EPHA5: variants seen among roughly 807,000 people sequenced by gnomAD.
EPHA5 encodes ephrin type-A receptor 5.
Under a neutral mutation model 105.0 loss-of-function variants are expected in EPHA5, and 60 were observed. The ratio of observed to expected loss-of-function variants is 0.57; its 90% CI spans 0.46 to 0.71. The LOEUF (loss-of-function observed/expected upper bound fraction) is 0.71, where lower values mean the gene tolerates loss of function less well. Ranked by LOEUF, EPHA5 falls within the 30% of genes least tolerant of loss-of-function variation. The pLI is 0.00. For synonymous variants in EPHA5, 513 were observed against 449.1 expected (o/e 1.14, Z -1.80); for missense variants, 1,218 against 1,274.7 (o/e 0.96, Z 0.68).
chr4:65,447,948 A>G (rs144925157), intron 5 of EPHA5, among the ~76,000 whole-genome samples: 2 of 152,304 alleles, frequency 1.3e-5, no homozygotes, highest in Non-Finnish European at 2.9e-5. Context: ...AGAACATAAG[A>G]TTTAAAGACA....
intron 3 of EPHA5, among the ~76,000 whole-genome samples, chr4:65,530,949 GTTGC>G: frequency 6.6e-6 from 1 of 152,240 alleles, no homozygotes; most frequent in East Asian, 1.9e-4. Flanking sequence ...ATAGTCGTAT[GTTGC>G]TTCCAGGAAT....
At chr4:65,524,052 T>A (rs1735010576) in intron 3 of EPHA5, among the ~76,000 whole-genome samples, 1 of 151,806 alleles carries the variant, frequency 6.6e-6, no homozygotes, top group Non-Finnish European at 1.5e-5. Flanking sequence ...TATGTAAAAA[T>A]TTTACTAATG....
At chr4:65,431,602 T>A (rs1724984532) in intron 5 of EPHA5, among the ~76,000 whole-genome samples, 1 of 152,064 alleles carries the variant, frequency 6.6e-6, no homozygotes, top group Non-Finnish European at 1.5e-5. Flanking sequence ...CTCCCTCCTT[T>A]CCTTTTTTCC....
intron 8 of EPHA5, among the ~76,000 whole-genome samples, chr4:65,390,722 G>T (rs1363814178): frequency 6.6e-6 from 1 of 151,968 alleles, no homozygotes; most frequent in African/African-American, 2.4e-5. Flanking sequence ...AACTGAGATT[G>T]TCATTTATAA....
At chr4:65,533,656 C>T (rs182883181) in intron 3 of EPHA5, among the ~76,000 whole-genome samples, 84 of 152,204 alleles carry the variant, frequency 5.5e-4, no homozygotes, top group African/African-American at 1.7e-3. Context: ...GGATGAGGGC[C>T]GGGCACAGTG....
intron 3 of EPHA5, among the ~76,000 whole-genome samples, chr4:65,581,300 G>C (rs1228361556): frequency 6.6e-6 from 1 of 151,694 alleles, no homozygotes; most frequent in African/African-American, 2.4e-5. Flanking sequence ...CATGAAGTAT[G>C]TATACATGTT....
At chr4:65,626,090 C>G (rs28443181) in intron 2 of EPHA5, among the ~76,000 whole-genome samples, 42,923 of 127,308 alleles carry the variant, frequency 0.34, 6,539 homozygotes, top group South Asian at 0.37. Context: ...GACAGAGCGA[C>G]ACTCCGTCTC....
intron 16 of EPHA5, among the ~76,000 whole-genome samples, chr4:65,328,765 A>G (rs1291453344): frequency 4.0e-5 from 6 of 151,126 alleles, no homozygotes; most frequent in Admixed American, 2.6e-4. Flanking sequence ...ATGGTTCTCA[A>G]TGGAAGAGAT....
intron 6 of EPHA5, among the ~76,000 whole-genome samples, chr4:65,418,473 T>C (rs1723603341): frequency 6.6e-6 from 1 of 152,154 alleles, no homozygotes; most frequent in Non-Finnish European, 1.5e-5. Context: ...GTTAACCATA[T>C]CCCAACATAA....
intron 5 of EPHA5, among the ~76,000 whole-genome samples, chr4:65,433,281 G>A (rs1238332541): frequency 2.0e-5 from 3 of 151,914 alleles, no homozygotes; most frequent in African/African-American, 7.3e-5. Context: ...TAAAATTTTG[G>A]GAAGCTTCCA....
chr4:65,409,231 C>T (rs887842806), intron 7 of EPHA5, among the ~76,000 whole-genome samples: 17 of 127,754 alleles, frequency 1.3e-4, no homozygotes, highest in Admixed American at 1.2e-3. Flanking sequence ...GGGAGATATA[C>T]CTAATGCTAG....
At position 65,422,459 on chromosome 4, in the gene EPHA5, C is replaced by T. The variant is rs565741036; in HGVS notation, c.1403-1894G>A. ...TTTTGCCCATTCTCTGCCTGCTCAA[C>T]CTTTTAAGTCTGGTATCAAATGAGA... On this transcript the variant is annotated intron_variant, in intron 5 of 16. Transcript: ENST00000613740. 3.3e-5 allele frequency among the ~76,000 whole-genome samples: 5 copies of T among 152,132 alleles called. No homozygotes were observed. The South Asian group carries it at 6.2e-4, about 19-fold the overall frequency.
chr4:65,403,551 T>C (rs1189933188), intron 8 of EPHA5, among the ~76,000 whole-genome samples: 1 of 151,940 alleles, frequency 6.6e-6, no homozygotes, highest in African/African-American at 2.4e-5. Flanking sequence ...CGTGAAACTA[T>C]GTTTATTGTA....
chr4:65,637,597 T>TATATATATATAC (rs889288051), intron 2 of EPHA5, among the ~76,000 whole-genome samples: 2 of 144,534 alleles, frequency 1.4e-5, no homozygotes, highest in Non-Finnish European at 3.0e-5. Flanking sequence ...TATATATATA[T>TATATATATATAC]ACGTATATGC....
At chr4:65,392,954 C>T (rs953010981) in intron 8 of EPHA5, among the ~76,000 whole-genome samples, 18 of 152,022 alleles carry the variant, frequency 1.2e-4, no homozygotes, top group Non-Finnish European at 2.1e-4. Context: ...TTACACAATG[C>T]CCTATAATTT....
intron 2 of EPHA5, among the ~76,000 whole-genome samples, chr4:65,636,737 A>G (rs1450865916): frequency 6.6e-6 from 1 of 152,058 alleles, no homozygotes; most frequent in Non-Finnish European, 1.5e-5. Flanking sequence ...AAATACCATC[A>G]TCTCTCTGAC....
chr4:65,664,794 C>T (rs926894643), intron 1 of EPHA5, among the ~76,000 whole-genome samples: 1 of 151,754 alleles, frequency 6.6e-6, no homozygotes. Flanking sequence ...TCTAATGTTG[C>T]TTTTATAATC....
intron 3 of EPHA5, among the ~76,000 whole-genome samples, chr4:65,589,755 G>A (rs565663443): frequency 5.9e-5 from 9 of 152,092 alleles, no homozygotes; most frequent in South Asian, 2.1e-4. Flanking sequence ...TTGGGAACAG[G>A]TGAATATTAA....
chr4:65,396,793 G>T (rs1385047526), intron 8 of EPHA5, among the ~76,000 whole-genome samples: 1 of 152,154 alleles, frequency 6.6e-6, no homozygotes, highest in Non-Finnish European at 1.5e-5. Context: ...TGAAGGATAA[G>T]TTCATTATTC....
Sources: allele counts gnomAD v4.1 joint callset (sites outside exome capture counted in the v4.1 genomes callset), GRCh38; gene constraint gnomAD v4.1.1; transcripts MANE v1.5; gene names NCBI Gene and HGNC (gene_info 2026-07-23, HGNC 2026-07-21).